Variants in DEAF1 observed in about 807,000 individuals in gnomAD.
DEAF1 encodes the protein DEAF1 transcription factor.
A neutral mutation model predicts 58.9 loss-of-function variants in DEAF1; 53 were observed. The observed-to-expected ratio is 0.90, with a 90% CI of 0.72 to 1.13. The LOEUF (loss-of-function observed/expected upper bound fraction) is 1.13, where lower values mean the gene tolerates loss of function less well. DEAF1 is among the 50% of genes most tolerant of loss of function. The pLI is 0.00. For missense variants in DEAF1, 685 were observed against 791.4 expected, an observed-to-expected ratio of 0.87 and a Z score of 1.61; for synonymous variants, 385 against 340.4, an observed-to-expected ratio of 1.13 and a Z score of -1.44.
intron 9 of DEAF1, among the ~76,000 whole-genome samples, chr11:676,820 G>T (rs1860100665): frequency 6.6e-6 from 1 of 152,128 alleles, no homozygotes; most frequent in Admixed American, 6.6e-5. Context: ...CTTACAATTG[G>T]AGAAGAAAGT....
chr11:687,141 C>T lies in DEAF1; in HGVS notation c.665-144G>A. On this transcript the variant is annotated intron_variant, in intron 4 of 11. Coordinates refer to ENST00000382409, the MANE Select transcript of DEAF1 (RefSeq NM_021008.4). Reference sequence around the variant, plus strand: ...ATCTCACCCACCCACATACTTGGCCCTGACAGGTCCACCACGGGTCTGCCT... The same window carrying T: ...ATCTCACCCACCCACATACTTGGCCTTGACAGGTCCACCACGGGTCTGCCT... The T allele has an allele frequency of 2.4e-6, 3 of 1,232,584 alleles. No homozygotes were observed. The South Asian group carries it at 3.8e-5, about 16-fold the overall frequency. The allele number at this position is 1,232,584 out of a possible 1,614,324, so 76.4% of individuals were successfully genotyped here. A position where few individuals can be genotyped will look rare whatever the true frequency, so the allele number is the denominator to read the frequency against.
At chr11:698,891 A>G (rs1317948581), upstream of DEAF1, 2 of 1,613,986 alleles carry the variant, frequency 1.2e-6, no homozygotes, top group East Asian at 2.2e-5. Context: ...CCACAGTGGT[A>G]TCCTGCTGCG....
At chr11:684,137 T>TC (rs1835061072) in intron 6 of DEAF1, among the ~76,000 whole-genome samples, 1 of 151,874 alleles carries the variant, frequency 6.6e-6, no homozygotes, top group South Asian at 2.1e-4. Flanking sequence ...TTTTTTTTTT[T>TC]TGAGGTGCAG....
chr11:663,970 T>C (rs1290259445), intron 10 of DEAF1, among the ~76,000 whole-genome samples: 2 of 152,186 alleles, frequency 1.3e-5, no homozygotes, highest in Admixed American at 1.3e-4. Context: ...CCCAGCTCTT[T>C]GGGAGGCTGA....
In DEAF1 at chr11:674,786, A is replaced by G. The variant is rs1247873127; in HGVS notation, c.1256-3T>C. ...CAGCGCAGGCAGGGATGTCAACACT[A>G]GAGCATTTGGAAAGCAAAACAAACC... is the stretch of plus-strand genomic sequence containing the variant. On this transcript the variant is annotated splice_region_variant and splice_polypyrimidine_tract_variant and intron_variant, in intron 9 of 11. Coordinates refer to ENST00000382409, the MANE Select transcript of DEAF1 (RefSeq NM_021008.4). 4 of 1,610,738 alleles carry G rather than the reference A, an allele frequency of 2.5e-6. No individual in the cohort carries two copies. In the Middle Eastern group the frequency reaches 4.9e-4, roughly 199 times the overall value.
rs1861657118 is a variant in DEAF1, at chr11:705,158, C to T, written c.-438+1414G>A. ...AGTGCTCCGGCCAGCCCAGGGTAAA[C>T]ACGCTAGCCCTGCCCCTCTGGGACC... On this transcript the variant is annotated intron_variant, in intron 1 of 11. Transcript: ENST00000683307. The T allele has an allele frequency of 2.8e-5, 5 of 179,916 alleles. No homozygotes were observed. The South Asian group carries it at 4.5e-4, about 16-fold the overall frequency. The allele number at this position is 179,916 out of a possible 1,614,324, so 11.1% of individuals were successfully genotyped here.
At chr11:695,242 G>C (rs965918814), upstream of DEAF1, 4 of 495,420 alleles carry the variant, frequency 8.1e-6, no homozygotes, top group African/African-American at 8.2e-5. Flanking sequence ...GCGGAGCCGA[G>C]GCGAACAGAG....
intron 11 of DEAF1, among the ~76,000 whole-genome samples, chr11:647,124 C>T (rs950857406): frequency 6.6e-6 from 1 of 152,158 alleles, no homozygotes; most frequent in African/African-American, 2.4e-5. Flanking sequence ...CACCACTGGA[C>T]TGCAGCCTGG....
Position 644,525 on chromosome 11 carries a change from A to G in DEAF1, c.*25T>C. Reference sequence around the variant, plus strand: ...GCCTCACAGGAGTGCGAGGGGCCCCAGCTCCCAGGGCGGCCGATGGAGCCT... The same window carrying G: ...GCCTCACAGGAGTGCGAGGGGCCCCGGCTCCCAGGGCGGCCGATGGAGCCT... On this transcript the variant is annotated 3_prime_UTR_variant, in exon 12 of 12. Coordinates refer to ENST00000382409, the MANE Select transcript of DEAF1 (RefSeq NM_021008.4). This position sits in a 1 kb window ranked among gnomAD's most constrained non-coding sequence, Gnocchi z 4.3. 1 of 1,601,632 alleles carries G rather than the reference A, an allele frequency of 6.2e-7. No individual in the cohort carries two copies. The highest frequency in any genetic ancestry group is 1.1e-5 in the South Asian group (1 of 90,216).
intron 2 of DEAF1, 76 bp downstream of exon 2, chr11:691,425 G>A (rs866717763): frequency 7.4e-5 from 104 of 1,400,808 alleles, no homozygotes; most frequent in East Asian, 7.1e-4. Flanking sequence ...GCTGAACCCC[G>A]GGAGAGCCTC....
At chr11:695,413 T>G (rs1208075156), upstream of DEAF1, 22 of 422,584 alleles carry the variant, frequency 5.2e-5, 1 homozygote, top group Non-Finnish European at 8.1e-5. Flanking sequence ...CTCTCCTCAC[T>G]GTCCTGACAG....
At chr11:701,568 G>A (rs998124284) in intron 1 of DEAF1, among the ~76,000 whole-genome samples, 8 of 151,980 alleles carry the variant, frequency 5.3e-5, no homozygotes, top group South Asian at 4.2e-4. Context: ...CCGCCACCAC[G>A]CCCGGCTCAT....
chr11:658,100 C>G (rs1362612537), intron 10 of DEAF1, among the ~76,000 whole-genome samples: 2 of 152,180 alleles, frequency 1.3e-5, no homozygotes, highest in East Asian at 1.9e-4. Flanking sequence ...TTCTGTAAAC[C>G]TAAAATTATC....
intron 1 of DEAF1, chr11:702,829 G>A (rs1165694724): frequency 2.9e-5 from 30 of 1,017,024 alleles, no homozygotes; most frequent in Middle Eastern, 3.2e-4. Flanking sequence ...CCCAGGCCCC[G>A]GAGGAACGTA....
upstream of DEAF1, chr11:699,985 C>T: frequency 1.7e-6 from 1 of 605,928 alleles, no homozygotes; most frequent in Non-Finnish European, 2.9e-6. Context: ...AGCATAGTGA[C>T]AGAAGCCTCA....
chr11:649,920 G>A lies in DEAF1; in HGVS notation c.1593+4042C>T, dbSNP rs1437410472. On this transcript the variant is annotated intron_variant, in intron 11 of 11. Coordinates refer to ENST00000382409, the MANE Select transcript of DEAF1 (RefSeq NM_021008.4). ...TCATGCCTATAATCCCAGCTACTCAGGAGGCTGAGGAAGGGAAATCACTTG... is the reference window on the plus strand; with the variant it reads ...TCATGCCTATAATCCCAGCTACTCAAGAGGCTGAGGAAGGGAAATCACTTG... Among the ~76,000 whole-genome samples, 4 of 152,118 alleles carry A rather than the reference G, an allele frequency of 2.6e-5. No individual in the cohort carries two copies. The East Asian group carries it at 7.7e-4, about 29-fold the overall frequency.
intron 10 of DEAF1, among the ~76,000 whole-genome samples, chr11:660,052 CCCA>C (rs1424192750): frequency 1.3e-5 from 2 of 152,196 alleles, no homozygotes; most frequent in Non-Finnish European, 2.9e-5. Flanking sequence ...TTCACCAATG[CCCA>C]CCATGGGGCA....
At chr11:662,220 G>A (rs1323769282) in intron 10 of DEAF1, among the ~76,000 whole-genome samples, 1 of 151,844 alleles carries the variant, frequency 6.6e-6, no homozygotes, top group Non-Finnish European at 1.5e-5. Flanking sequence ...CAGAGGTTGT[G>A]TGTGGTGAGC....
intron 10 of DEAF1, among the ~76,000 whole-genome samples, chr11:668,435 CAG>C (rs1859654536): frequency 6.6e-6 from 1 of 152,108 alleles, no homozygotes; most frequent in Non-Finnish European, 1.5e-5. Context: ...TTTTTTGAGA[CAG>C]GGTCTCATTC....
Sources: allele counts gnomAD v4.1 joint callset (sites outside exome capture counted in the v4.1 genomes callset), GRCh38; gene constraint gnomAD v4.1.1; non-coding constraint Gnocchi (gnomAD v3.1); transcripts MANE v1.5; gene names NCBI Gene and HGNC (gene_info 2026-07-23, HGNC 2026-07-21).